The following CSMD3 variants were observed in gnomAD, a reference collection of about 807,000 sequenced individuals.
CSMD3 encodes the protein CUB and Sushi multiple domains 3, also known as CUB and sushi domain-containing protein 3.
A neutral mutation model predicts 435.2 loss-of-function variants in CSMD3; 177 were observed. The ratio of observed to expected loss-of-function variants is 0.41; its 90% CI spans 0.36 to 0.46. The LOEUF (loss-of-function observed/expected upper bound fraction) is 0.46, where lower values mean the gene tolerates loss of function less well. CSMD3 is among the 20% of genes least tolerant of loss of function. CSMD3 has a pLI of 0.34. For synonymous variants in CSMD3, 1,656 were observed against 1,520.5 expected, an observed-to-expected ratio of 1.09 and a Z score of -2.07; for missense variants, 4,265 against 4,504.6, an observed-to-expected ratio of 0.95 and a Z score of 1.52.
At chr8:112,988,443 A>C (rs1185629463) in intron 6 of CSMD3, among the ~76,000 whole-genome samples, 1 of 151,980 alleles carries the variant, frequency 6.6e-6, no homozygotes. Context: ...TCTATGTTCT[A>C]TTTTGTCTTT....
chr8:112,454,000 A>G (rs1210789270), intron 32 of CSMD3, among the ~76,000 whole-genome samples: 3 of 152,194 alleles, frequency 2.0e-5, no homozygotes, highest in African/African-American at 7.2e-5. Context: ...CAATGGGAAA[A>G]TAATTCTCTA....
chr8:113,370,727 T>C (rs2094341917), intron 1 of CSMD3, among the ~76,000 whole-genome samples: 1 of 152,020 alleles, frequency 6.6e-6, no homozygotes, highest in South Asian at 2.1e-4. Context: ...AATAAATCTC[T>C]TCCATCCCTA....
intron 12 of CSMD3, among the ~76,000 whole-genome samples, chr8:112,804,242 G>C (rs986113364): frequency 1.6e-4 from 24 of 151,992 alleles, no homozygotes; most frequent in African/African-American, 5.6e-4. Context: ...TAGAGGAAGG[G>C]TATTAGGATG....
chr8:113,240,649 G>A (rs1241288559), intron 3 of CSMD3, among the ~76,000 whole-genome samples: 1 of 152,074 alleles, frequency 6.6e-6, no homozygotes. Context: ...TATGTCATAT[G>A]GTTGTATTAT....
At chr8:113,295,192 A>T (rs960292155) in intron 2 of CSMD3, among the ~76,000 whole-genome samples, 5 of 152,084 alleles carry the variant, frequency 3.3e-5, no homozygotes, top group African/African-American at 1.2e-4. Flanking sequence ...TCCCAATTAT[A>T]CTCTTATAGT....
intron 3 of CSMD3, among the ~76,000 whole-genome samples, chr8:113,264,863 G>A (rs2093456187): frequency 6.6e-6 from 1 of 151,430 alleles, no homozygotes; most frequent in Admixed American, 6.6e-5. Context: ...CCTTAACGTA[G>A]GAGATGTATT....
rs114773440 is a variant in CSMD3, at chr8:112,558,763, T to C, written c.4043-1809A>G. Among the ~76,000 whole-genome samples, 890 of 151,922 alleles carry C rather than the reference T, an allele frequency of 5.9e-3. 5 individuals are homozygous for C. The highest frequency in any genetic ancestry group is 0.019 in the African/African-American group (808 of 41,504). On this transcript the variant is annotated intron_variant, in intron 24 of 70. Coordinates refer to ENST00000297405, the MANE Select transcript of CSMD3 (RefSeq NM_198123.2). ...TTACTGATCAACATAACTATTAAGA[T>C]CATATCATCAACATTTTAAAATTAA...
intron 2 of CSMD3, among the ~76,000 whole-genome samples, chr8:113,296,908 G>C (rs1264267546): frequency 2.6e-5 from 4 of 152,036 alleles, no homozygotes; most frequent in Non-Finnish European, 5.9e-5. Context: ...AAATTTAGTG[G>C]CTTCAAGTTG....
intron 31 of CSMD3, among the ~76,000 whole-genome samples, chr8:112,485,313 T>C (rs1263473819): frequency 2.0e-5 from 3 of 152,160 alleles, no homozygotes; most frequent in Admixed American, 2.0e-4. Flanking sequence ...ACAAAATTCC[T>C]GTGTGCTGCT....
rs2130915202 is a variant in CSMD3 at position 112,503,859 on chromosome 8, T to C, written c.5014A>G (p.Asn1672Asp). The change falls in exon 30 of 71, where the codon AAT becomes GAT. Residue 1672 changes from asparagine (N) to aspartate (D), a missense_variant. Asn to Asp is a conservative substitution (Grantham distance 23). Around this residue, in one of 3 missense-constraint regions of CSMD3, gnomAD observed 3,255 missense variants for 3,380.2 expected, o/e 0.96. Transcript: ENST00000297405. ...KLPERIESSS[N>D]TMHLAFRSDG... ...CTCCGAAAAGCCAAATGCATTGTAT[T>C]TGAGCTGCTTTCTATTCTCTCTGGT... 1 of 1,613,324 alleles carries C rather than the reference T, an allele frequency of 6.2e-7. No homozygotes were observed. The highest frequency in any genetic ancestry group is 2.2e-5 in the East Asian group (1 of 44,778).
intron 1 of CSMD3, among the ~76,000 whole-genome samples, chr8:113,320,430 A>G (rs896296638): frequency 2.0e-5 from 3 of 152,106 alleles, no homozygotes; most frequent in Non-Finnish European, 4.4e-5. Context: ...AAATAATGCA[A>G]TGACTATATG....
intron 1 of CSMD3, among the ~76,000 whole-genome samples, chr8:113,409,712 C>T (rs1044352432): frequency 3.9e-5 from 6 of 152,130 alleles, no homozygotes; most frequent in African/African-American, 9.7e-5. Context: ...GCCATTTGGT[C>T]ACTTCCGCTA....
chr8:112,751,921 A>T (rs2077580772), intron 13 of CSMD3, among the ~76,000 whole-genome samples: 1 of 152,040 alleles, frequency 6.6e-6, no homozygotes, highest in South Asian at 2.1e-4. Flanking sequence ...TTTCTACTTG[A>T]GCACTAAATT....
rs1036377045 is a variant in CSMD3 at position 112,506,726 on chromosome 8, G to A, written c.4860C>T (p.Val1620=). ...CCAAGGAGATAACATAGTCTGCATTGACGGTGATAGTCCAGTCACAGTCTC... is the reference window on the plus strand; with the variant it reads ...CCAAGGAGATAACATAGTCTGCATTAACGGTGATAGTCCAGTCACAGTCTC... ...HSRDCDWTIT[V]NADYVISLAF... Residue 1620 remains valine (V), a synonymous_variant, in exon 29 of 71, where the codon GTC becomes GTT. Transcript: ENST00000297405. 6.2e-7 allele frequency: 1 copy of A among 1,613,634 alleles called. No homozygotes were observed. The highest frequency in any genetic ancestry group is 8.5e-7 in the Non-Finnish European group (1 of 1,179,614).
At chr8:112,877,696 CAT>C (rs1176796138) in intron 10 of CSMD3, among the ~76,000 whole-genome samples, 1 of 152,152 alleles carries the variant, frequency 6.6e-6, no homozygotes, top group East Asian at 1.9e-4. Flanking sequence ...ACCAAAACAG[CAT>C]GGTACTGGTA....
At chr8:112,480,801 G>A (rs574931413) in intron 31 of CSMD3, among the ~76,000 whole-genome samples, 1 of 152,166 alleles carries the variant, frequency 6.6e-6, no homozygotes, top group South Asian at 2.1e-4. Context: ...CCCAGTTTCA[G>A]GTACTCCTTT....
chr8:112,933,329 A>C (rs2083176731), intron 9 of CSMD3, among the ~76,000 whole-genome samples: 1 of 152,220 alleles, frequency 6.6e-6, no homozygotes, highest in Non-Finnish European at 1.5e-5. Context: ...AGAATAGTTC[A>C]AATTTTTTAC....
At chr8:112,619,876 A>C (rs1020971819) in intron 22 of CSMD3, among the ~76,000 whole-genome samples, 6 of 152,172 alleles carry the variant, frequency 3.9e-5, no homozygotes, top group Non-Finnish European at 8.8e-5. Flanking sequence ...TGAGACATTA[A>C]GATATTATAT....
At chr8:113,085,642 C>A (rs989661910) in intron 5 of CSMD3, among the ~76,000 whole-genome samples, 11 of 152,058 alleles carry the variant, frequency 7.2e-5, no homozygotes, top group East Asian at 5.8e-4. Context: ...ATGTATGAAC[C>A]TAAAGAACAT....
Sources: allele counts gnomAD v4.1 joint callset (sites outside exome capture counted in the v4.1 genomes callset), GRCh38; gene constraint gnomAD v4.1.1; regional missense constraint gnomAD v4.1.1; transcripts MANE v1.5; gene names NCBI Gene and HGNC (gene_info 2026-07-23, HGNC 2026-07-21).